The following CCDC6 variants were observed in gnomAD, a reference collection of about 807,000 sequenced individuals.
CCDC6 encodes the protein coiled-coil domain containing 6.
A neutral mutation model predicts 56.6 loss-of-function variants in CCDC6; 20 were observed. That is an observed-to-expected ratio of 0.35 (90% CI 0.25 to 0.51). CCDC6 has a LOEUF of 0.51. Among genes scored for constraint, CCDC6 ranks in the 20% least tolerant of loss-of-function variants. The probability of loss-of-function intolerance (pLI) is 0.95; values close to 1 mark genes in which losing one functional copy is unlikely to be tolerated. For missense variants in CCDC6, 367 were observed against 601.1 expected (o/e 0.61, Z 4.07); for synonymous variants, 241 against 234.4 (o/e 1.03, Z -0.26).
chr10:59,798,246 C>A (rs1263141821), intron 7 of CCDC6, among the ~76,000 whole-genome samples: 3 of 152,184 alleles, frequency 2.0e-5, no homozygotes, highest in African/African-American at 7.2e-5. Flanking sequence ...CTATTAGAGG[C>A]CAAGCAATGT....
rs184633493 is a variant in CCDC6, at chr10:59,812,574, T to C, written c.847+61A>G. ...CAGTAATTAAATGTTGGTAATACCC[T>C]ATATTTGGTAAAGTTATTAATTCTA... is the stretch of plus-strand genomic sequence containing the variant. On this transcript the variant is annotated intron_variant, in intron 5 of 8. Coordinates refer to ENST00000263102, the MANE Select transcript of CCDC6 (RefSeq NM_005436.5). 226 of 1,156,524 alleles carry C rather than the reference T, an allele frequency of 2.0e-4. No homozygotes were observed. The African/African-American group carries it at 3.2e-3, about 16-fold the overall frequency. The allele number at this position is 1,156,524 out of a possible 1,614,324, so 71.6% of individuals were successfully genotyped here. A position where few individuals can be genotyped will look rare whatever the true frequency, so the allele number is the denominator to read the frequency against.
intron 2 of CCDC6, among the ~76,000 whole-genome samples, chr10:59,851,681 T>C (rs1564748677): frequency 6.6e-6 from 1 of 152,190 alleles, no homozygotes; most frequent in Non-Finnish European, 1.5e-5. Context: ...CTCACTAATA[T>C]ATATACTTCA....
At chr10:59,820,281 CTCTAGCTAAA>C (rs1247245136) in intron 3 of CCDC6, among the ~76,000 whole-genome samples, 3 of 152,182 alleles carry the variant, frequency 2.0e-5, no homozygotes, top group African/African-American at 7.2e-5. Context: ...CGGATGAGAA[CTCTAGCTAAA>C]TCTAGCTCAG....
chr10:59,813,308 G>A (rs17790289), intron 4 of CCDC6, among the ~76,000 whole-genome samples: 34,075 of 152,072 alleles, frequency 0.22, 4,115 homozygotes, highest in Middle Eastern at 0.29. Context: ...CTGGACTAGC[G>A]GCCCTTTGCT....
chr10:59,891,606 C>A (rs2071422570), intron 1 of CCDC6, among the ~76,000 whole-genome samples: 1 of 152,148 alleles, frequency 6.6e-6, no homozygotes, highest in Admixed American at 6.5e-5. Flanking sequence ...GTCATTAGCA[C>A]TAATCTTCCT....
chr10:59,903,559 A>G (rs1362046673), intron 1 of CCDC6, among the ~76,000 whole-genome samples: 1 of 152,234 alleles, frequency 6.6e-6, no homozygotes, highest in Non-Finnish European at 1.5e-5. Flanking sequence ...AACTTGCTCA[A>G]GGAAAAAGAA....
intron 1 of CCDC6, among the ~76,000 whole-genome samples, chr10:59,876,502 CTTTT>C (rs10714987): frequency 6.7e-6 from 1 of 149,242 alleles, no homozygotes; most frequent in Admixed American, 6.8e-5. Context: ...CCAGGTGTGA[CTTTT>C]TTTTCCCTTA....
intron 1 of CCDC6, among the ~76,000 whole-genome samples, chr10:59,872,249 C>T (rs1046760398): frequency 1.3e-5 from 2 of 152,220 alleles, no homozygotes; most frequent in Non-Finnish European, 2.9e-5. Context: ...TGCTTCTGCC[C>T]TTTGAAGAAT....
At position 59,793,092 on chromosome 10, in the gene CCDC6, C is replaced by T. The variant is rs1309133118; in HGVS notation, c.1250G>A (p.Ser417Asn). ...CCGTTTGAATTTGTCAGGACTGTTG[C>T]TTCTCCGTGGTGAAGGCCTCTGCAG... ...HGITRPSPRRSNSPDKFKRPT... is the reference protein window; with the variant it reads ...HGITRPSPRRNNSPDKFKRPT... Residue 417 changes from serine (S) to asparagine (N), a missense_variant, in exon 9 of 9, where the codon AGC becomes AAC. By Grantham distance (46) the Ser-to-Asn change is conservative. Transcript: ENST00000263102. 2 of 1,614,004 alleles carry T rather than the reference C, an allele frequency of 1.2e-6. No homozygotes were observed. Among genetic ancestry groups the T allele is most frequent in the Admixed American group, 1.7e-5 (1 of 59,992 alleles).
chr10:59,812,062 C>CAAAAAAA (rs142710534), intron 5 of CCDC6, among the ~76,000 whole-genome samples: 8 of 121,126 alleles, frequency 6.6e-5, no homozygotes, highest in African/African-American at 2.3e-4. Context: ...TTTGAATAGC[C>CAAAAAAA]AAAAAAAAAA....
chr10:59,861,529 T>C (rs763193231), intron 1 of CCDC6, among the ~76,000 whole-genome samples: 2 of 151,240 alleles, frequency 1.3e-5, no homozygotes, highest in East Asian at 1.9e-4. Flanking sequence ...GTAGGAATTA[T>C]CATACAGTGA....
At chr10:59,829,672 T>C (rs2070818740) in intron 3 of CCDC6, among the ~76,000 whole-genome samples, 1 of 152,150 alleles carries the variant, frequency 6.6e-6, no homozygotes. Context: ...GACCACATAT[T>C]ATGATTCTAT....
chr10:59,829,358 A>G (rs1194506848), intron 3 of CCDC6, among the ~76,000 whole-genome samples: 5 of 152,252 alleles, frequency 3.3e-5, no homozygotes, highest in African/African-American at 4.8e-5. Context: ...TTTTAAAATT[A>G]CATTTTGTTT....
intron 1 of CCDC6, among the ~76,000 whole-genome samples, chr10:59,892,515 C>T (rs139235482): frequency 6.8e-4 from 104 of 152,292 alleles, no homozygotes; most frequent in African/African-American, 2.2e-3. Context: ...GGTGCGGCCT[C>T]AACCACCCCC....
At chr10:59,836,699 T>C (rs1037578251) in intron 2 of CCDC6, among the ~76,000 whole-genome samples, 86 of 152,246 alleles carry the variant, frequency 5.6e-4, no homozygotes, top group Non-Finnish European at 1.6e-4. Flanking sequence ...AAAGTCAATC[T>C]CAAAGATTAT....
In CCDC6 at chr10:59,876,073, C is replaced by CTTTTTTTTTTTTTTTTTT. The variant is rs1172379933; in HGVS notation, c.304-23389_304-23372dup. 5.1e-5 allele frequency among the ~76,000 whole-genome samples: 5 copies of CTTTTTTTTTTTTTTTTTT among 97,552 alleles called. 1 individual carries two copies. Among genetic ancestry groups the CTTTTTTTTTTTTTTTTTT allele is most frequent in the African/African-American group, 1.2e-4 (3 of 24,216 alleles). 64.0% of individuals were successfully genotyped at this position (97,552 alleles called of 152,430 possible). A position where few individuals can be genotyped will look rare whatever the true frequency, so the allele number is the denominator to read the frequency against. On this transcript the variant is annotated intron_variant, in intron 1 of 8. Coordinates refer to ENST00000263102, the MANE Select transcript of CCDC6 (RefSeq NM_005436.5). Reference sequence around the variant, plus strand: ...CATACACGAGTGCATGCACAGATGTCTTTTTTTTTTTTTTTTTTCAGATCG... The same window carrying CTTTTTTTTTTTTTTTTTT: ...CATACACGAGTGCATGCACAGATGTCTTTTTTTTTTTTTTTTTTTTTTTTTTTTTTTTTTTTCAGATCG...
intron 1 of CCDC6, among the ~76,000 whole-genome samples, chr10:59,900,030 A>G (rs2071493434): frequency 6.6e-6 from 1 of 152,204 alleles, no homozygotes; most frequent in African/African-American, 2.4e-5. Context: ...CCTTCATCAC[A>G]GAAAGAAACA....
At chr10:59,869,812 C>T (rs1297573227) in intron 1 of CCDC6, among the ~76,000 whole-genome samples, 2 of 152,154 alleles carry the variant, frequency 1.3e-5, no homozygotes, top group African/African-American at 4.8e-5. Context: ...ACCGGCCCTC[C>T]CGTGGTCCAG....
At chr10:59,837,272 T>A (rs759222691) in intron 2 of CCDC6, among the ~76,000 whole-genome samples, 2 of 152,180 alleles carry the variant, frequency 1.3e-5, no homozygotes, top group Non-Finnish European at 2.9e-5. Context: ...GTACCACAGG[T>A]GCATGTGCAC....
Sources: allele counts gnomAD v4.1 joint callset (sites outside exome capture counted in the v4.1 genomes callset), GRCh38; gene constraint gnomAD v4.1.1; transcripts MANE v1.5; gene names NCBI Gene and HGNC (gene_info 2026-07-23, HGNC 2026-07-21).